The following PRPS2 variants were observed in gnomAD, a reference collection of about 807,000 sequenced individuals.
PRPS2 encodes ribose-phosphate pyrophosphokinase 2.
For synonymous variants in PRPS2, 111 were observed against 115.3 expected, an observed-to-expected ratio of 0.96 and a Z score of 0.24; for missense variants, 104 against 271.5, an observed-to-expected ratio of 0.38 and a Z score of 4.34.
intron 2 of PRPS2, among the ~76,000 whole-genome samples, chrX:12,804,246 A>T (rs1366244446): frequency 9.2e-6 from 1 of 109,151 alleles, no homozygotes; most frequent in Admixed American, 1.0e-4. Context: ...GGTTCAAGCA[A>T]TTCTCCTGCC....
chrX:12,804,320 T>C (rs1390469581), intron 2 of PRPS2, among the ~76,000 whole-genome samples: 1 of 109,747 alleles, frequency 9.1e-6, no homozygotes, highest in Non-Finnish European at 1.9e-5. Context: ...TTTAGTATTT[T>C]TAGTAGAGAC....
chrX:12,805,468 T>C (rs1238889979), intron 2 of PRPS2, among the ~76,000 whole-genome samples: 1 of 112,044 alleles, frequency 8.9e-6, no homozygotes, highest in Non-Finnish European at 1.9e-5. Flanking sequence ...CCGTTGGGTA[T>C]CTATTGCAGC....
At chrX:12,812,635 AAAAG>A (rs1357610086) in intron 4 of PRPS2, among the ~76,000 whole-genome samples, 2 of 112,135 alleles carry the variant, frequency 1.8e-5, no homozygotes, top group Non-Finnish European at 3.8e-5. Flanking sequence ...TCAAAAAAGA[AAAAG>A]AAAATACCAA....
At chrX:12,807,205 GA>G (rs1432977971) in intron 2 of PRPS2, among the ~76,000 whole-genome samples, 1 of 112,384 alleles carries the variant, frequency 8.9e-6, no homozygotes, top group Admixed American at 9.4e-5. Flanking sequence ...CCAGAGGGAA[GA>G]ATGCTGTGTC....
In PRPS2 at chrX:12,809,347, C is replaced by G; in HGVS notation, c.405+15C>G. 1 of 1,189,864 alleles carries G rather than the reference C, an allele frequency of 8.4e-7. No individual in the cohort carries two copies. Among genetic ancestry groups the G allele is most frequent in the East Asian group, 3.0e-5 (1 of 33,621 alleles). On this transcript the variant is annotated intron_variant, in intron 3 of 6. Coordinates refer to ENST00000380668, the MANE Select transcript of PRPS2 (RefSeq NM_002765.5). ...CTCAGATACAGGTATCCGTGTTTTCCTTCTGCAAATGGTTAAATCAAGTCT... is the reference window on the plus strand; with the variant it reads ...CTCAGATACAGGTATCCGTGTTTTCGTTCTGCAAATGGTTAAATCAAGTCT...
chrX:12,823,060 G>A lies in PRPS2; in HGVS notation c.*264G>A. ...TTTTTGTCATTTTGACTTTTAACAG[G>A]TACAGGTGATCTCTTCCTTTGTTCT... On this transcript the variant is annotated 3_prime_UTR_variant, in exon 7 of 7. Transcript: ENST00000380668. 3.4e-6 allele frequency: 1 copy of A among 293,737 alleles called. No individual in the cohort carries two copies. Among genetic ancestry groups the A allele is most frequent in the Non-Finnish European group, 5.9e-6 (1 of 169,769 alleles). The allele number at this position is 293,737 out of a possible 1,213,427, so 24.2% of individuals were successfully genotyped here.
intron 6 of PRPS2, among the ~76,000 whole-genome samples, chrX:12,822,175 C>T (rs960079422): frequency 3.6e-5 from 4 of 111,906 alleles, no homozygotes; most frequent in Non-Finnish European, 5.6e-5. Flanking sequence ...AGCACAGCCA[C>T]GTCCATTCAT....
At chrX:12,804,824 C>T (rs1295306374) in intron 2 of PRPS2, among the ~76,000 whole-genome samples, 1 of 111,777 alleles carries the variant, frequency 8.9e-6, no homozygotes, top group African/African-American at 3.3e-5. Flanking sequence ...TCCTGCACAG[C>T]CGCAGGAGGA....
At chrX:12,796,236 T>TTTTTTC (rs1555902194) in intron 1 of PRPS2, among the ~76,000 whole-genome samples, 3 of 72,493 alleles carry the variant, frequency 4.1e-5, no homozygotes, top group Admixed American at 1.7e-4. Flanking sequence ...TTTTTTTTTT[T>TTTTTTC]TGAGACAGAG....
rs1602417823 is a variant in PRPS2 at position 12,820,708 on chromosome X, G to T, written c.769G>T (p.Ala257Ser). 1 of 1,211,008 alleles carries T rather than the reference G, an allele frequency of 8.3e-7. No homozygotes were observed. Among genetic ancestry groups the T allele is most frequent in the East Asian group, 3.0e-5 (1 of 33,839 alleles). The change falls in exon 6 of 7, where the codon GCT becomes TCT. Residue 257 changes from alanine to serine, a missense_variant. Transcript: ENST00000380668. ...TACCCATGGGATCTTCTCTGGACCA[G>T]CTATTTCCAGAATAAATAATGCCGC... ...ILTHGIFSGPAISRINNAAFE... is the reference protein window; with the variant it reads ...ILTHGIFSGPSISRINNAAFE...
intron 4 of PRPS2, 99 bp from the exon 5 acceptor site, chrX:12,819,408 A>G: frequency 3.1e-6 from 3 of 967,668 alleles, no homozygotes; most frequent in Non-Finnish European, 4.3e-6. Flanking sequence ...TTCTTGCATC[A>G]TCTCTCGGGT....
chrX:12,812,056 G>A (rs754382886), intron 4 of PRPS2, among the ~76,000 whole-genome samples: 2 of 112,322 alleles, frequency 1.8e-5, no homozygotes, highest in African/African-American at 6.5e-5. Context: ...TGTACGGTGT[G>A]TAATGTTCAC....
intron 1 of PRPS2, among the ~76,000 whole-genome samples, chrX:12,795,660 A>G (rs2042539451): frequency 8.9e-6 from 1 of 111,995 alleles, no homozygotes; most frequent in Non-Finnish European, 1.9e-5. Flanking sequence ...TCTCAAGATA[A>G]TGAGCACACT....
At chrX:12,818,544 T>G (rs2042660720) in intron 4 of PRPS2, among the ~76,000 whole-genome samples, 1 of 110,480 alleles carries the variant, frequency 9.1e-6, no homozygotes, top group Non-Finnish European at 1.9e-5. Context: ...GGTCGTCATC[T>G]GAGGATGACA....
intron 2 of PRPS2, among the ~76,000 whole-genome samples, chrX:12,801,513 C>T (rs2042570566): frequency 8.9e-6 from 1 of 112,498 alleles, no homozygotes; most frequent in Non-Finnish European, 1.9e-5. Flanking sequence ...CTTGTCATAT[C>T]ACATCCATGT....
intron 2 of PRPS2, among the ~76,000 whole-genome samples, chrX:12,807,932 A>G (rs1427320560): frequency 7.6e-5 from 7 of 92,586 alleles, no homozygotes; most frequent in African/African-American, 3.1e-4. Flanking sequence ...CAGTAGTGCC[A>G]TCTCGGCTCA....
chrX:12,808,511 A>G (rs1202151756), intron 2 of PRPS2, among the ~76,000 whole-genome samples: 2 of 112,439 alleles, frequency 1.8e-5, no homozygotes, highest in African/African-American at 3.2e-5. Flanking sequence ...TGATGTGGAA[A>G]CCAAAGCTAT....
At position 12,812,600 on chromosome X, in the gene PRPS2, G is replaced by A. The variant is rs771331764; in HGVS notation, c.530+2454G>A. On this transcript the variant is annotated intron_variant, in intron 4 of 6. Coordinates refer to ENST00000380668, the MANE Select transcript of PRPS2 (RefSeq NM_002765.5). Reference sequence around the variant, plus strand: ...CGAGATCACGCCACTGCACTCCAGCGTGGGTGACAGGGCGAGAGTCCGTCT... The same window carrying A: ...CGAGATCACGCCACTGCACTCCAGCATGGGTGACAGGGCGAGAGTCCGTCT... Among the ~76,000 whole-genome samples, 192 of 112,038 alleles carry A rather than the reference G, an allele frequency of 1.7e-3. 1 individual carries two copies. The highest frequency in any genetic ancestry group is 5.9e-3 in the African/African-American group (181 of 30,833).
At chrX:12,798,024 C>T (rs1182807334) in intron 1 of PRPS2, among the ~76,000 whole-genome samples, 1 of 111,824 alleles carries the variant, frequency 8.9e-6, no homozygotes, top group Non-Finnish European at 1.9e-5. Context: ...AGAGAGATAA[C>T]CCAGGCCTGC....
Sources: allele counts gnomAD v4.1 joint callset (sites outside exome capture counted in the v4.1 genomes callset), GRCh38; gene constraint gnomAD v4.1.1; transcripts MANE v1.5; gene names NCBI Gene and HGNC (gene_info 2026-07-23, HGNC 2026-07-21).